Variants in CTNNA3 observed in about 807,000 individuals in gnomAD.
CTNNA3 encodes the protein catenin alpha 3.
In CTNNA3, 76 loss-of-function variants were observed where a neutral mutation model predicts 95.7. The observed-to-expected ratio is 0.79, with a 90% CI of 0.66 to 0.96. The LOEUF (loss-of-function observed/expected upper bound fraction) is 0.96. Ranked by LOEUF, CTNNA3 falls within the 40% of genes least tolerant of loss-of-function variation. CTNNA3 has a pLI of 0.00. For synonymous variants in CTNNA3, 431 were observed against 374.4 expected (o/e 1.15, Z -1.74); for missense variants, 1,191 against 1,089.8 (o/e 1.09, Z -1.31).
chr10:66,886,487 A>G (rs1426631934), intron 7 of CTNNA3, among the ~76,000 whole-genome samples: 1 of 152,026 alleles, frequency 6.6e-6, no homozygotes, highest in Non-Finnish European at 1.5e-5. Context: ...GAAACAGGGT[A>G]CTCCCTCATT....
At chr10:67,054,749 C>T (rs1855320975) in intron 7 of CTNNA3, 1 of 152,040 alleles carries the variant, frequency 6.6e-6, no homozygotes, top group Non-Finnish European at 1.5e-5. Flanking sequence ...TCTCAATTTT[C>T]TAGGCGTCTT....
At chr10:67,568,824 C>CT (rs1328444577) in intron 3 of CTNNA3, among the ~76,000 whole-genome samples, 2 of 152,052 alleles carry the variant, frequency 1.3e-5, no homozygotes, top group Admixed American at 6.6e-5. Context: ...TGCTCACAGC[C>CT]TATATATGGT....
intron 15 of CTNNA3, among the ~76,000 whole-genome samples, chr10:66,013,083 T>G (rs954919875): frequency 1.3e-5 from 2 of 152,330 alleles, no homozygotes; most frequent in Admixed American, 1.3e-4. Flanking sequence ...GTATTTTTAG[T>G]GGAGACAGTG....
intron 13 of CTNNA3, among the ~76,000 whole-genome samples, chr10:66,167,934 C>T (rs906509306): frequency 6.6e-6 from 1 of 152,170 alleles, no homozygotes; most frequent in Non-Finnish European, 1.5e-5. Flanking sequence ...CGGCTAAGCA[C>T]AGCCCATGGG....
chr10:67,723,275 C>A (rs1589580951), intron 1 of CTNNA3, among the ~76,000 whole-genome samples: 2 of 151,374 alleles, frequency 1.3e-5, no homozygotes, highest in Admixed American at 1.3e-4. Context: ...GCATGAGCCA[C>A]GGCACCTGGC....
At chr10:67,742,431 C>T (rs1331504098) in intron 1 of CTNNA3, among the ~76,000 whole-genome samples, 2 of 150,986 alleles carry the variant, frequency 1.3e-5, no homozygotes, top group Admixed American at 1.3e-4. Context: ...AAGGCAGAAA[C>T]AAAGATGTTC....
In CTNNA3 at chr10:66,333,874, G is replaced by A. The variant is rs2092362563; in HGVS notation, c.1732+45278C>T. 1.3e-5 allele frequency among the ~76,000 whole-genome samples: 2 copies of A among 151,712 alleles called. 1 individual carries two copies. The highest frequency in any genetic ancestry group is 2.9e-5 in the Non-Finnish European group (2 of 67,860). ...ATTGTGTGGGAGTCTAAGTCTCTTT[G>A]TAGGTCTCTAGGGACTTGCTTTATG... On this transcript the variant is annotated intron_variant, in intron 12 of 17. Coordinates refer to ENST00000433211, the MANE Select transcript of CTNNA3 (RefSeq NM_013266.4).
chr10:66,463,139 G>C (rs1236567915), intron 11 of CTNNA3, among the ~76,000 whole-genome samples: 1 of 152,144 alleles, frequency 6.6e-6, no homozygotes, highest in East Asian at 1.9e-4. Flanking sequence ...TTTATCCACT[G>C]AAAAATCTCT....
intron 6 of CTNNA3, among the ~76,000 whole-genome samples, chr10:67,186,597 T>C (rs1862860687): frequency 6.6e-6 from 1 of 152,188 alleles, no homozygotes; most frequent in Non-Finnish European, 1.5e-5. Flanking sequence ...GTAAATCAAA[T>C]GTCCTGTGAA....
chr10:66,595,005 G>A (rs1434250003), intron 10 of CTNNA3, among the ~76,000 whole-genome samples: 3 of 152,014 alleles, frequency 2.0e-5, no homozygotes, highest in African/African-American at 4.8e-5. Flanking sequence ...CAATTATCTC[G>A]TTTGAGTGAT....
chr10:66,762,201 C>A (rs939211312), intron 9 of CTNNA3, among the ~76,000 whole-genome samples: 1 of 152,006 alleles, frequency 6.6e-6, no homozygotes, highest in Non-Finnish European at 1.5e-5. Context: ...GATAACGGTG[C>A]CCTAAATCAC....
rs1863640660 is a variant in CTNNA3 at position 67,201,443 on chromosome 10, A to AC, written c.843+18163_843+18164insG. 2.0e-5 allele frequency among the ~76,000 whole-genome samples: 3 copies of AC among 151,810 alleles called. No homozygotes were observed. In the South Asian group the frequency reaches 6.2e-4, roughly 32 times the overall value. On this transcript the variant is annotated intron_variant, in intron 6 of 17. Transcript: ENST00000433211. ...GAGTCAGAGTATTGGCAGGCACCTTATGTCTATTCTTTTTTTTTTATTATT... is the reference window on the plus strand; with the variant it reads ...GAGTCAGAGTATTGGCAGGCACCTTACTGTCTATTCTTTTTTTTTTATTATT...
chr10:67,064,150 A>G (rs1039752233), intron 7 of CTNNA3, among the ~76,000 whole-genome samples: 26 of 152,146 alleles, frequency 1.7e-4, no homozygotes, highest in African/African-American at 6.0e-4. Context: ...TTTTTCATGA[A>G]TATGATAACT....
At chr10:66,892,001 T>C (rs1845286987) in intron 7 of CTNNA3, among the ~76,000 whole-genome samples, 1 of 152,280 alleles carries the variant, frequency 6.6e-6, no homozygotes, top group Non-Finnish European at 1.5e-5. Flanking sequence ...TTTACCTGTC[T>C]TATTTATACT....
At chr10:67,579,677 A>T (rs528859408) in intron 3 of CTNNA3, among the ~76,000 whole-genome samples, 11 of 152,282 alleles carry the variant, frequency 7.2e-5, no homozygotes, top group Non-Finnish European at 1.2e-4. Context: ...CCAACAGTGT[A>T]AAAGTGTTCC....
At chr10:66,956,520 T>A (rs1848800194) in intron 7 of CTNNA3, among the ~76,000 whole-genome samples, 1 of 152,096 alleles carries the variant, frequency 6.6e-6, no homozygotes, top group South Asian at 2.1e-4. Flanking sequence ...TTTCTACTCC[T>A]TAGCAAGGAG....
At chr10:67,233,228 A>AAATTTCAG (rs1865303445) in intron 5 of CTNNA3, among the ~76,000 whole-genome samples, 1 of 152,046 alleles carries the variant, frequency 6.6e-6, no homozygotes, top group African/African-American at 2.4e-5. Flanking sequence ...GCACCACACC[A>AAATTTCAG]CACCTATTCC....
rs1246000749 is a variant in CTNNA3, at chr10:66,543,905, GTGTGTGTATATATATATATATATA to G, written c.1375-23156_1375-23133del. 3.0e-4 allele frequency among the ~76,000 whole-genome samples: 31 copies of G among 102,208 alleles called. 1 individual carries two copies. The highest frequency in any genetic ancestry group is 1.8e-3 in the South Asian group (6 of 3,270). 67.1% of individuals were successfully genotyped at this position (102,208 alleles called of 152,430 possible). On this transcript the variant is annotated intron_variant, in intron 10 of 17. Coordinates refer to ENST00000433211, the MANE Select transcript of CTNNA3 (RefSeq NM_013266.4). ...TTAGCTAATCCTTCTTGAGATGTGTGTGTGTGTATATATATATATATATATATATATATATATATATATATATAT... is the reference window on the plus strand; with the variant it reads ...TTAGCTAATCCTTCTTGAGATGTGTGTATATATATATATATATATATATAT...
At position 67,585,276 on chromosome 10, in the gene CTNNA3, T is replaced by C. The variant is rs1042041896; in HGVS notation, c.292+21581A>G. Among the ~76,000 whole-genome samples, 5 of 152,222 alleles carry C rather than the reference T, an allele frequency of 3.3e-5. No homozygotes were observed. In the East Asian group the frequency reaches 9.6e-4, roughly 29 times the overall value. ...TTGTTCAGGATTTTTGCATCTCTGT[T>C]CATCAGGGATAATGATCTGTTTTCT... On this transcript the variant is annotated intron_variant, in intron 3 of 17. Transcript: ENST00000433211.
Sources: gnomAD v4.1 joint callset for allele counts (sites outside exome capture counted in the v4.1 genomes callset) on GRCh38, gnomAD v4.1.1 for gene constraint, MANE v1.5 for transcripts, NCBI Gene and HGNC (gene_info 2026-07-23, HGNC 2026-07-21) for gene names.